Variants in WNT7B observed in about 807,000 individuals in gnomAD.
WNT7B encodes the protein Wnt family member 7B, also known as protein Wnt-7b.
A neutral mutation model predicts 38.2 loss-of-function variants in WNT7B; 19 were observed. That is an observed-to-expected ratio of 0.50 (90% CI 0.35 to 0.73). The LOEUF (loss-of-function observed/expected upper bound fraction) is 0.73, where lower values mean the gene tolerates loss of function less well. Among genes scored for constraint, WNT7B ranks in the 30% least tolerant of loss-of-function variants. WNT7B has a pLI of 0.01. For synonymous variants in WNT7B, 243 were observed against 209.3 expected (o/e 1.16, Z -1.39); for missense variants, 423 against 507.9 (o/e 0.83, Z 1.61).
chr22:45,925,944 TGGTACTGTGCCCTGTATC>T, intron 3 of WNT7B: 1 of 985,352 alleles, frequency 1.0e-6, no homozygotes, highest in Middle Eastern at 5.2e-4. Flanking sequence ...TGGCTGCCCC[TGGTACTGTGCCCTGTATC>T]CCTCCCCCTC....
At chr22:45,929,852 TCATCCTTC>T (rs1163680626) in intron 3 of WNT7B, among the ~76,000 whole-genome samples, 1 of 117,092 alleles carries the variant, frequency 8.5e-6, no homozygotes, top group African/African-American at 3.7e-5. Context: ...ATCCACCCAC[TCATCCTTC>T]CATCCATCCA....
At chr22:45,926,004 A>G (rs1931072056) in intron 3 of WNT7B, 2 of 984,980 alleles carry the variant, frequency 2.0e-6, no homozygotes, top group African/African-American at 1.8e-5. Flanking sequence ...CCCGGTCTTC[A>G]TCAAGGCCAG....
intron 2 of WNT7B, among the ~76,000 whole-genome samples, chr22:45,934,036 A>T (rs148457895): frequency 2.0e-5 from 3 of 152,316 alleles, no homozygotes; most frequent in African/African-American, 7.2e-5. Context: ...GGCTCTCCAC[A>T]TGCGCCGGGC....
At chr22:45,929,411 TG>T (rs1931216441) in intron 3 of WNT7B, among the ~76,000 whole-genome samples, 1 of 140,212 alleles carries the variant, frequency 7.1e-6, no homozygotes, top group Admixed American at 6.8e-5. Flanking sequence ...CATCCACCCG[TG>T]AATCCACTCA....
At chr22:45,942,961 A>ATG (rs551082401) in intron 2 of WNT7B, among the ~76,000 whole-genome samples, 1 of 142,774 alleles carries the variant, frequency 7.0e-6, no homozygotes, top group African/African-American at 2.7e-5. Flanking sequence ...TGCAGTGTGC[A>ATG]TGTGTGTGTG....
intron 1 of WNT7B, among the ~76,000 whole-genome samples, chr22:45,962,949 T>C (rs1430544933): frequency 6.6e-6 from 1 of 152,232 alleles, no homozygotes; most frequent in African/African-American, 2.4e-5. Flanking sequence ...ACTCTGCGGC[T>C]GGGCCAGCGC....
In WNT7B at chr22:45,976,793, C is replaced by G. The variant is rs756661475; in HGVS notation, c.-39G>C. ...GGGCTGCGCCATAGACAGCGGCGGC[C>G]GGAGGGGACGCGCGGGCCCGGCAGG... On this transcript the variant is annotated 5_prime_UTR_variant, in exon 1 of 4. Coordinates refer to ENST00000339464, the MANE Select transcript of WNT7B (RefSeq NM_058238.3). This position sits in a 1 kb window ranked among gnomAD's most constrained non-coding sequence, Gnocchi z 8.5. 2 of 1,571,458 alleles carry G rather than the reference C, an allele frequency of 1.3e-6. No homozygotes were observed. The highest frequency in any genetic ancestry group is 1.7e-6 in the Non-Finnish European group (2 of 1,155,134).
chr22:45,935,588 C>T (rs1343273895), intron 2 of WNT7B, among the ~76,000 whole-genome samples: 1 of 152,208 alleles, frequency 6.6e-6, no homozygotes, highest in East Asian at 1.9e-4. Context: ...TGGGCACACC[C>T]TCCCCTGGGC....
chr22:45,935,150 G>A (rs916519123), intron 2 of WNT7B, among the ~76,000 whole-genome samples: 2 of 152,202 alleles, frequency 1.3e-5, no homozygotes, highest in Non-Finnish European at 2.9e-5. Context: ...TTGCCAGTCC[G>A]CCCACACGCC....
At position 45,966,957 on chromosome 22, in the gene WNT7B, ACT is replaced by A. The variant is rs1309513954; in HGVS notation, c.71+9725_71+9726del. 6.6e-6 allele frequency among the ~76,000 whole-genome samples: 1 copy of A among 152,078 alleles called. No individual in the cohort carries two copies. The highest frequency in any genetic ancestry group is 1.5e-5 in the Non-Finnish European group (1 of 67,994). On this transcript the variant is annotated intron_variant, in intron 1 of 3. Transcript: ENST00000339464. This position sits in a 1 kb window ranked among gnomAD's most constrained non-coding sequence, Gnocchi z 4.2. ...GCTTGTATGCCTCCGGGGCTGGAGA[ACT>A]CACTGCCTCTCTGCCAACAGTGGAG...
chr22:45,925,873 G>T, intron 3 of WNT7B: 1 of 985,414 alleles, frequency 1.0e-6, no homozygotes, highest in Non-Finnish European at 1.2e-6. Context: ...AGACTAGAGG[G>T]TGTGCAGGCC....
intron 1 of WNT7B, among the ~76,000 whole-genome samples, chr22:45,952,109 G>T (rs2146734835): frequency 1.3e-5 from 2 of 152,354 alleles, no homozygotes; most frequent in Middle Eastern, 3.4e-3. Context: ...GTTTAGTGAG[G>T]GGGCAAGATG....
At chr22:45,961,659 G>A (rs1352349307) in intron 1 of WNT7B, among the ~76,000 whole-genome samples, 1 of 152,070 alleles carries the variant, frequency 6.6e-6, no homozygotes, top group Non-Finnish European at 1.5e-5. Flanking sequence ...GGAGAGCAGA[G>A]GGCTGACACC....
chr22:45,974,935 C>T (rs1269245516), intron 1 of WNT7B, among the ~76,000 whole-genome samples: 2 of 152,124 alleles, frequency 1.3e-5, no homozygotes, highest in African/African-American at 2.4e-5. Flanking sequence ...TAGGGTGGAC[C>T]GTCAGCTCCT....
At chr22:45,929,763 T>C (rs2036578090) in intron 3 of WNT7B, among the ~76,000 whole-genome samples, 1 of 144,186 alleles carries the variant, frequency 6.9e-6, no homozygotes, top group South Asian at 2.3e-4. Flanking sequence ...CATTCATCTG[T>C]CTACTTATCC....
At chr22:45,928,489 C>T (rs1931166788) in intron 3 of WNT7B, among the ~76,000 whole-genome samples, 2 of 151,982 alleles carry the variant, frequency 1.3e-5, no homozygotes, top group Non-Finnish European at 2.9e-5. Flanking sequence ...GTGGGTCAGC[C>T]AGGGCCCCAC....
At chr22:45,960,100 C>T (rs1932162068) in intron 1 of WNT7B, among the ~76,000 whole-genome samples, 1 of 152,232 alleles carries the variant, frequency 6.6e-6, no homozygotes, top group African/African-American at 2.4e-5. Flanking sequence ...GCCACCCTGA[C>T]ACCAGCAGGA....
intron 1 of WNT7B, among the ~76,000 whole-genome samples, chr22:45,958,119 A>G (rs1443501435): frequency 6.6e-6 from 1 of 152,172 alleles, no homozygotes; most frequent in African/African-American, 2.4e-5. Context: ...AGTCACCCAC[A>G]TAGCCACCAT....
chr22:45,975,757 G>T lies in WNT7B; in HGVS notation c.71+927C>A. On this transcript the variant is annotated intron_variant, in intron 1 of 3. Transcript: ENST00000339464. The surrounding 1 kb of genome is among the most constrained non-coding windows in gnomAD (Gnocchi z 6.6). The stretch of plus-strand genomic sequence containing the variant: ...ACAGTAGGCGCGCAGGGCGCGGCGG[G>T]GCCCGGGTCCCCGCAGGTGCGAGGA... 2.6e-6 allele frequency: 1 copy of T among 379,450 alleles called. No homozygotes were observed. Among genetic ancestry groups the T allele is most frequent in the Admixed American group, 4.6e-5 (1 of 21,710 alleles). 23.5% of individuals were successfully genotyped at this position (379,450 alleles called of 1,614,324 possible). A position where few individuals can be genotyped will look rare whatever the true frequency, so the allele number is the denominator to read the frequency against.
Sources: allele counts gnomAD v4.1 joint callset (sites outside exome capture counted in the v4.1 genomes callset), GRCh38; gene constraint gnomAD v4.1.1; non-coding constraint Gnocchi (gnomAD v3.1); transcripts MANE v1.5; gene names NCBI Gene and HGNC (gene_info 2026-07-23, HGNC 2026-07-21).